Variants in CRISPLD2 observed in about 807,000 individuals in gnomAD.
CRISPLD2 encodes cysteine rich secretory protein LCCL domain containing 2, also known as cysteine-rich secretory protein LCCL domain-containing 2.
In CRISPLD2, 47 loss-of-function variants were observed where a neutral mutation model predicts 71.1. That is an observed-to-expected ratio of 0.66 (90% CI 0.52 to 0.84). CRISPLD2 has a LOEUF of 0.84. CRISPLD2 is among the 40% of genes least tolerant of loss of function. The pLI, the probability that CRISPLD2 is intolerant of heterozygous loss-of-function variation, is 0.00. For missense variants in CRISPLD2, 830 were observed against 651.1 expected (o/e 1.27, Z -2.99); for synonymous variants, 317 against 250.1 (o/e 1.27, Z -2.52).
intron 6 of CRISPLD2, among the ~76,000 whole-genome samples, chr16:84,859,211 A>T (rs1917319564): frequency 1.3e-5 from 2 of 152,176 alleles, no homozygotes; most frequent in African/African-American, 4.8e-5. Flanking sequence ...TATGCCAATT[A>T]TGCATTCTGA....
At chr16:84,852,341 C>T (rs1917112435) in intron 5 of CRISPLD2, among the ~76,000 whole-genome samples, 4 of 98,206 alleles carry the variant, frequency 4.1e-5, no homozygotes, top group African/African-American at 1.1e-4. Context: ...CTCCCATGCC[C>T]CAGAGGCTCT....
At chr16:84,886,501 C>G (rs529505639) in intron 13 of CRISPLD2, among the ~76,000 whole-genome samples, 1 of 151,996 alleles carries the variant, frequency 6.6e-6, no homozygotes, top group African/African-American at 2.4e-5. Context: ...GGTGTAGCTC[C>G]CCACTCCCCT....
intron 13 of CRISPLD2, among the ~76,000 whole-genome samples, chr16:84,885,270 C>T (rs963015881): frequency 4.6e-5 from 7 of 152,216 alleles, no homozygotes; most frequent in African/African-American, 1.4e-4. Flanking sequence ...CCCCCGCTCA[C>T]GGCGATTTTA....
At chr16:84,902,097 C>T (rs546657706) in intron 14 of CRISPLD2, among the ~76,000 whole-genome samples, 1 of 152,020 alleles carries the variant, frequency 6.6e-6, no homozygotes, top group Admixed American at 6.6e-5. Context: ...CCGCGCCTGG[C>T]CCTGGTTGCA....
intron 1 of CRISPLD2, among the ~76,000 whole-genome samples, chr16:84,831,767 C>T (rs1228992163): frequency 2.0e-5 from 3 of 151,992 alleles, no homozygotes; most frequent in Non-Finnish European, 4.4e-5. Context: ...TTGAGTCTTG[C>T]CGTGTCACCC....
chr16:84,856,458 C>G lies in CRISPLD2; in HGVS notation c.709+1629C>G, dbSNP rs371418021. Among the ~76,000 whole-genome samples, 9 of 152,150 alleles carry G rather than the reference C, an allele frequency of 5.9e-5. No homozygotes were observed. In the East Asian group the frequency reaches 7.7e-4, roughly 13 times the overall value. On this transcript the variant is annotated intron_variant, in intron 6 of 14. Transcript: ENST00000262424. Reference sequence around the variant, plus strand: ...GTTTAATGGGATTGCTGCTATGTCTCCTGGTGGCAGCGTTCCTCCCTCTGG... The same window carrying G: ...GTTTAATGGGATTGCTGCTATGTCTGCTGGTGGCAGCGTTCCTCCCTCTGG...
chr16:84,845,968 C>T lies in CRISPLD2; in HGVS notation c.359+64C>T, dbSNP rs1916904418. The T allele has an allele frequency of 3.0e-6, 3 of 1,003,880 alleles. No homozygotes were observed. In the South Asian group the frequency reaches 4.3e-5, roughly 14 times the overall value. 62.2% of individuals were successfully genotyped at this position (1,003,880 alleles called of 1,614,324 possible). A position where few individuals can be genotyped will look rare whatever the true frequency, so the allele number is the denominator to read the frequency against. The stretch of plus-strand genomic sequence containing the variant: ...CCACTGCCGTGTGCCGGGCTCAGCA[C>T]TTGTGCCCCTTATCAAGTTTAGCCT... On this transcript the variant is annotated intron_variant, in intron 3 of 14. Transcript: ENST00000262424.
intron 5 of CRISPLD2, 68 bp from the exon 6 acceptor site, chr16:84,854,661 G>T (rs1241684602): frequency 1.3e-5 from 15 of 1,174,802 alleles, no homozygotes; most frequent in Non-Finnish European, 1.8e-5. Flanking sequence ...GTGGGCCTTG[G>T]AAGAGGATCA....
chr16:84,859,444 A>T (rs926212186), intron 6 of CRISPLD2, among the ~76,000 whole-genome samples: 2 of 152,168 alleles, frequency 1.3e-5, no homozygotes, highest in East Asian at 1.9e-4. Flanking sequence ...CCCTGGTACA[A>T]GGCCAGAGGT....
chr16:84,860,735 A>G (rs748199192), intron 6 of CRISPLD2, among the ~76,000 whole-genome samples: 1 of 152,132 alleles, frequency 6.6e-6, no homozygotes, highest in African/African-American at 2.4e-5. Context: ...TTTCCAATCA[A>G]TGCCCTCACT....
At chr16:84,865,615 G>T (rs1322341688) in intron 6 of CRISPLD2, among the ~76,000 whole-genome samples, 2 of 152,068 alleles carry the variant, frequency 1.3e-5, no homozygotes, top group Non-Finnish European at 2.9e-5. Context: ...CTTCTGTTGG[G>T]GCATAGGAGG....
chr16:84,872,964 C>T, intron 9 of CRISPLD2, 28 bp from the exon 10 acceptor site: 1 of 1,590,158 alleles, frequency 6.3e-7, no homozygotes, highest in Non-Finnish European at 8.6e-7. Context: ...GAGAATGTGC[C>T]TCTGGTCTTC....
intron 1 of CRISPLD2, among the ~76,000 whole-genome samples, chr16:84,824,077 A>G (rs999245252): frequency 2.6e-5 from 4 of 151,736 alleles, no homozygotes; most frequent in African/African-American, 9.7e-5. Flanking sequence ...GATAACGCCT[A>G]GAGGAAACAG....
chr16:84,885,155 G>T (rs1184942303), intron 13 of CRISPLD2, among the ~76,000 whole-genome samples: 1 of 152,180 alleles, frequency 6.6e-6, no homozygotes, highest in Non-Finnish European at 1.5e-5. Context: ...GTAGGGGCGG[G>T]GGTGGATTCT....
chr16:84,876,786 C>G (rs770716673), intron 11 of CRISPLD2, among the ~76,000 whole-genome samples: 3 of 152,198 alleles, frequency 2.0e-5, no homozygotes, highest in Admixed American at 1.3e-4. Flanking sequence ...GAGCAAAACT[C>G]TGTCTCAAAG....
chr16:84,889,223 C>T lies in CRISPLD2; in HGVS notation c.1306-7C>T. ...ATCGCTGATCACAGCCCTTCCTGTG[C>T]TTCCAGACCTCAAGCATCTGCAAGA... On this transcript the variant is annotated splice_polypyrimidine_tract_variant and splice_region_variant and intron_variant, in intron 13 of 14. Transcript: ENST00000262424. 1.9e-6 allele frequency: 3 copies of T among 1,614,084 alleles called. No homozygotes were observed. Among genetic ancestry groups the T allele is most frequent in the Non-Finnish European group, 8.5e-7 (1 of 1,179,966 alleles).
Position 84,906,786 on chromosome 16 carries a change from G to A in CRISPLD2, c.*144G>A. ...AGTGTCCATCACTTTGTGGCCTGTG[G>A]GTGAGGTGACATCTCATCCCCTCAC... On this transcript the variant is annotated 3_prime_UTR_variant, in exon 15 of 15. Transcript: ENST00000262424. The A allele has an allele frequency of 1.1e-6, 1 of 945,068 alleles. No homozygotes were observed. The highest frequency in any genetic ancestry group is 1.7e-6 in the Non-Finnish European group (1 of 593,366). 58.5% of individuals were successfully genotyped at this position (945,068 alleles called of 1,614,324 possible). A position where few individuals can be genotyped will look rare whatever the true frequency, so the allele number is the denominator to read the frequency against.
At chr16:84,901,108 C>G (rs2071750247) in intron 14 of CRISPLD2, among the ~76,000 whole-genome samples, 1 of 151,218 alleles carries the variant, frequency 6.6e-6, no homozygotes, top group Non-Finnish European at 1.5e-5. Flanking sequence ...AAATATAACA[C>G]TTTATTACAA....
At chr16:84,849,333 C>T in intron 3 of CRISPLD2, 52 bp from the exon 4 acceptor site, 1 of 1,551,786 alleles carries the variant, frequency 6.4e-7, no homozygotes, top group Non-Finnish European at 8.8e-7. Context: ...GCTGTCTCCA[C>T]TGGTGGGTGA....
Sources: allele counts gnomAD v4.1 joint callset (sites outside exome capture counted in the v4.1 genomes callset), GRCh38; gene constraint gnomAD v4.1.1; transcripts MANE v1.5; gene names NCBI Gene and HGNC (gene_info 2026-07-23, HGNC 2026-07-21).